Variants in HS3ST4 observed in about 807,000 individuals in gnomAD.
The protein encoded by HS3ST4 is heparan sulfate-glucosamine 3-sulfotransferase 4.
A neutral mutation model predicts 29.2 loss-of-function variants in HS3ST4; 17 were observed. The observed-to-expected ratio is 0.58, with a 90% confidence interval of 0.40 to 0.87. The LOEUF is 0.87. Among genes scored for constraint, HS3ST4 ranks in the 40% least tolerant of loss-of-function variants. The probability of loss-of-function intolerance (pLI) is 0.00; values close to 1 mark genes in which losing one functional copy is unlikely to be tolerated. For missense variants in HS3ST4, 627 were observed against 634.5 expected, an observed-to-expected ratio of 0.99 and a Z score of 0.13; for synonymous variants, 314 against 285.7, an observed-to-expected ratio of 1.10 and a Z score of -1.00.
chr16:26,000,264 C>T (rs1969201519), intron 1 of HS3ST4, among the ~76,000 whole-genome samples: 1 of 152,132 alleles, frequency 6.6e-6, no homozygotes, highest in Non-Finnish European at 1.5e-5. Context: ...ATCTCTTCCT[C>T]TCTTTCTCTC....
chr16:26,092,317 A>G (rs996045061), intron 1 of HS3ST4, among the ~76,000 whole-genome samples: 2 of 152,170 alleles, frequency 1.3e-5, no homozygotes, highest in African/African-American at 2.4e-5. Flanking sequence ...GGAGGATTAT[A>G]TGAACTTGAC....
At chr16:26,078,195 C>A (rs1327784278) in intron 1 of HS3ST4, among the ~76,000 whole-genome samples, 1 of 152,142 alleles carries the variant, frequency 6.6e-6, no homozygotes, top group Non-Finnish European at 1.5e-5. Context: ...GGCTGGAGTG[C>A]AGTGGCATGA....
chr16:25,917,643 A>G (rs1246659675), intron 1 of HS3ST4, among the ~76,000 whole-genome samples: 3 of 152,240 alleles, frequency 2.0e-5, no homozygotes, highest in Admixed American at 6.5e-5. Context: ...GGAGCCTTTC[A>G]GATGAATTTG....
At chr16:26,081,847 G>A (rs1455509409) in intron 1 of HS3ST4, among the ~76,000 whole-genome samples, 1 of 131,664 alleles carries the variant, frequency 7.6e-6, no homozygotes, top group Non-Finnish European at 1.6e-5. Flanking sequence ...CCAGGTTGGA[G>A]TACAATGGCA....
At chr16:26,109,300 G>A (rs1341359823) in intron 1 of HS3ST4, among the ~76,000 whole-genome samples, 1 of 152,130 alleles carries the variant, frequency 6.6e-6, no homozygotes, top group Non-Finnish European at 1.5e-5. Flanking sequence ...CAGCAACCTC[G>A]GGCGACAGCA....
chr16:25,755,567 G>A lies in HS3ST4; in HGVS notation c.734+62416G>A, dbSNP rs139750363. ...CTAGGTCAGAGGTCATAAAATGGAA[G>A]TAAGAGGCTGTAGCCTTTTGGCTTG... On this transcript the variant is annotated intron_variant, in intron 1 of 1. Transcript: ENST00000331351. Among the ~76,000 whole-genome samples, 23 of 152,322 alleles carry A rather than the reference G, an allele frequency of 1.5e-4. No individual in the cohort carries two copies. In the East Asian group the frequency reaches 4.2e-3, roughly 28 times the overall value.
At position 25,998,724 on chromosome 16, in the gene HS3ST4, A is replaced by G. The variant is rs139524467; in HGVS notation, c.735-136888A>G. Among the ~76,000 whole-genome samples the G allele has an allele frequency of 4.6e-3, 700 of 152,252 alleles. 15 individuals carry two copies. The highest frequency in any genetic ancestry group is 0.026 in the East Asian group (135 of 5,176). On this transcript the variant is annotated intron_variant, in intron 1 of 1. Coordinates refer to ENST00000331351, the MANE Select transcript of HS3ST4 (RefSeq NM_006040.3). The stretch of plus-strand genomic sequence containing the variant: ...CCTCTTTTCTGCATTTGATGAATTC[A>G]TAGTCAAAATTTGAGAACTAGCAAA...
chr16:25,899,727 T>C (rs1021076738), intron 1 of HS3ST4, among the ~76,000 whole-genome samples: 1 of 151,102 alleles, frequency 6.6e-6, no homozygotes, highest in Non-Finnish European at 1.5e-5. Flanking sequence ...TTGATCAGGT[T>C]GGCTGATTGA....
At chr16:25,947,436 C>T (rs1317729296) in intron 1 of HS3ST4, among the ~76,000 whole-genome samples, 1 of 152,330 alleles carries the variant, frequency 6.6e-6, no homozygotes, top group East Asian at 1.9e-4. Flanking sequence ...TTTTCTCCTT[C>T]ATGAGTCTGT....
At chr16:25,736,915 C>G (rs1567229988) in intron 1 of HS3ST4, among the ~76,000 whole-genome samples, 2 of 151,958 alleles carry the variant, frequency 1.3e-5, no homozygotes, top group Non-Finnish European at 2.9e-5. Context: ...GTGGCGTGAT[C>G]TCGGCTCACT....
intron 1 of HS3ST4, among the ~76,000 whole-genome samples, chr16:25,721,174 G>A (rs1966490706): frequency 6.6e-6 from 1 of 152,128 alleles, no homozygotes; most frequent in Admixed American, 6.6e-5. Flanking sequence ...GGAACAGTGT[G>A]TGCAAAGGCT....
intron 1 of HS3ST4, among the ~76,000 whole-genome samples, chr16:25,933,850 C>T (rs1234496120): frequency 1.3e-5 from 2 of 151,988 alleles, no homozygotes; most frequent in Non-Finnish European, 2.9e-5. Flanking sequence ...ACTCATAGAG[C>T]GAGAACCCAC....
chr16:26,133,335 C>A (rs537571290), intron 1 of HS3ST4, among the ~76,000 whole-genome samples: 28 of 152,220 alleles, frequency 1.8e-4, no homozygotes, highest in Middle Eastern at 3.4e-3. Flanking sequence ...CATTAAGGGT[C>A]AAAATGGGTT....
chr16:25,941,641 A>G (rs971826185), intron 1 of HS3ST4, among the ~76,000 whole-genome samples: 5 of 151,850 alleles, frequency 3.3e-5, no homozygotes, highest in African/African-American at 1.2e-4. Flanking sequence ...CGGTGGTGCA[A>G]TCTCGGCTCA....
intron 1 of HS3ST4, among the ~76,000 whole-genome samples, chr16:26,042,164 G>A (rs563304281): frequency 3.3e-5 from 5 of 152,244 alleles, no homozygotes; most frequent in African/African-American, 1.2e-4. Flanking sequence ...TGCCTCCAGC[G>A]TTCTGAAACC....
chr16:25,702,398 A>G lies in HS3ST4; in HGVS notation c.734+9247A>G, dbSNP rs535964379. On this transcript the variant is annotated intron_variant, in intron 1 of 1. Coordinates refer to ENST00000331351, the MANE Select transcript of HS3ST4 (RefSeq NM_006040.3). ...ATAGAACCAACCAGAGAGACGAAAT[A>G]ACTAGGAATAAATTTAGCAAAAATT... is the stretch of plus-strand genomic sequence containing the variant. 2.0e-5 allele frequency among the ~76,000 whole-genome samples: 3 copies of G among 152,344 alleles called. No individual in the cohort carries two copies. In the East Asian group the frequency reaches 5.8e-4, roughly 29 times the overall value.
intron 1 of HS3ST4, among the ~76,000 whole-genome samples, chr16:26,013,089 A>G (rs1015701882): frequency 6.6e-6 from 1 of 152,160 alleles, no homozygotes; most frequent in East Asian, 1.9e-4. Flanking sequence ...CTTGAACTCA[A>G]GAGGCAAGAG....
intron 1 of HS3ST4, among the ~76,000 whole-genome samples, chr16:25,984,242 TG>T (rs1426714737): frequency 1.3e-5 from 2 of 152,216 alleles, no homozygotes; most frequent in African/African-American, 4.8e-5. Context: ...CTGGGACTGG[TG>T]GAAGACAATT....
chr16:25,887,286 T>C (rs945461510), intron 1 of HS3ST4, among the ~76,000 whole-genome samples: 5 of 152,082 alleles, frequency 3.3e-5, no homozygotes, highest in Admixed American at 2.0e-4. Flanking sequence ...ACTTACACCT[T>C]TGAGGAAGTA....
Sources: gnomAD v4.1 joint callset for allele counts (sites outside exome capture counted in the v4.1 genomes callset) on GRCh38, gnomAD v4.1.1 for gene constraint, MANE v1.5 for transcripts, NCBI Gene and HGNC (gene_info 2026-07-23, HGNC 2026-07-21) for gene names.